The following IL1RAPL1 variants were observed in gnomAD, a reference collection of about 807,000 sequenced individuals.
IL1RAPL1 encodes the protein interleukin 1 receptor accessory protein like 1.
In IL1RAPL1, 3 loss-of-function variants were observed where a neutral mutation model predicts 48.4. That is an observed-to-expected ratio of 0.06 (90% CI 0.03 to 0.16). The LOEUF is 0.16. Among genes scored for constraint, IL1RAPL1 ranks in the 10% least tolerant of loss-of-function variants. IL1RAPL1 has a pLI of 1.00. For missense variants in IL1RAPL1, 349 were observed against 530.6 expected (o/e 0.66, Z 3.36); for synonymous variants, 185 against 187.7 (o/e 0.99, Z 0.12).
At chrX:29,060,041 C>G (rs761433542) in intron 2 of IL1RAPL1, among the ~76,000 whole-genome samples, 3 of 111,383 alleles carry the variant, frequency 2.7e-5, no homozygotes, top group East Asian at 5.7e-4. Context: ...TTTCAACTTC[C>G]CATAGAGAAT....
chrX:29,955,889 ATCC>A lies in IL1RAPL1; in HGVS notation c.*72_*74del. ...TCTGCAGTCCAGTGCCTGGAACTAA[ATCC>A]TCGACTGCTGCTGTTAAAAAACATG... On this transcript the variant is annotated 3_prime_UTR_variant, in exon 11 of 11. Coordinates refer to ENST00000378993, the MANE Select transcript of IL1RAPL1 (RefSeq NM_014271.4). 1.2e-6 allele frequency: 1 copy of A among 801,139 alleles called. No homozygotes were observed. The highest frequency in any genetic ancestry group is 1.9e-6 in the Non-Finnish European group (1 of 524,808). 66.0% of individuals were successfully genotyped at this position (801,139 alleles called of 1,213,427 possible).
At chrX:29,451,409 G>A (rs1370395880) in intron 5 of IL1RAPL1, among the ~76,000 whole-genome samples, 1 of 110,476 alleles carries the variant, frequency 9.1e-6, no homozygotes, top group Non-Finnish European at 1.9e-5. Context: ...TGGACAGGCT[G>A]GTCTCGAACT....
intron 2 of IL1RAPL1, among the ~76,000 whole-genome samples, chrX:28,953,969 C>T (rs1924537751): frequency 9.0e-6 from 1 of 111,222 alleles, no homozygotes; most frequent in South Asian, 3.7e-4. Context: ...TGAATTACGT[C>T]AAGTGTAGTT....
chrX:29,571,390 T>TAGA (rs1055248034), intron 5 of IL1RAPL1, among the ~76,000 whole-genome samples: 1 of 111,367 alleles, frequency 9.0e-6, no homozygotes, highest in African/African-American at 3.3e-5. Context: ...CTAATGCCCT[T>TAGA]TAGCAAAGTC....
intron 2 of IL1RAPL1, among the ~76,000 whole-genome samples, chrX:29,177,458 T>C (rs1044186925): frequency 1.8e-5 from 2 of 112,231 alleles, no homozygotes; most frequent in Non-Finnish European, 3.8e-5. Context: ...TCTGTTCTTT[T>C]CTAGGGCAGA....
chrX:29,381,522 A>AC (rs1933699730), intron 3 of IL1RAPL1, among the ~76,000 whole-genome samples: 1 of 95,760 alleles, frequency 1.0e-5, no homozygotes, highest in Non-Finnish European at 2.1e-5. Flanking sequence ...AAAAAAAAAA[A>AC]AAAAAAACTT....
intron 2 of IL1RAPL1, among the ~76,000 whole-genome samples, chrX:28,940,872 A>C (rs1924147548): frequency 9.0e-6 from 1 of 110,676 alleles, no homozygotes; most frequent in African/African-American, 3.3e-5. Flanking sequence ...TCAATGTACC[A>C]GCTAATTTTC....
rs200345215 is a variant in IL1RAPL1, at chrX:29,396,456, G to T, written c.549+12G>T. The T allele has an allele frequency of 8.3e-7, 1 of 1,200,804 alleles. No individual in the cohort carries two copies. The highest frequency in any genetic ancestry group is 1.8e-5 in the South Asian group (1 of 56,755). On this transcript the variant is annotated intron_variant, in intron 4 of 10. Transcript: ENST00000378993. Reference sequence around the variant, plus strand: ...TCCTTTGGTACAAGGTATGGACTGCGGGTGGTTCTATTTCCTATTAACAAA... The same window carrying T: ...TCCTTTGGTACAAGGTATGGACTGCTGGTGGTTCTATTTCCTATTAACAAA...
intron 1 of IL1RAPL1, among the ~76,000 whole-genome samples, chrX:28,745,314 G>A (rs1185811569): frequency 9.0e-6 from 1 of 111,258 alleles, no homozygotes; most frequent in East Asian, 2.8e-4. Context: ...TCCATGCCGT[G>A]GAAAAGACTG....
chrX:29,524,179 C>CTTTTTTTTTT (rs5901924), intron 5 of IL1RAPL1, among the ~76,000 whole-genome samples: 1 of 77,591 alleles, frequency 1.3e-5, no homozygotes, highest in Non-Finnish European at 2.5e-5. Flanking sequence ...TTTCACTTGG[C>CTTTTTTTTTT]TTTTTTTTTT....
chrX:29,819,108 T>TGA (rs1181518981), intron 6 of IL1RAPL1, among the ~76,000 whole-genome samples: 1 of 111,990 alleles, frequency 8.9e-6, no homozygotes, highest in Non-Finnish European at 1.9e-5. Context: ...TTATGTAAAC[T>TGA]GACCTTTAAA....
At chrX:29,321,869 C>T (rs1442297240) in intron 3 of IL1RAPL1, among the ~76,000 whole-genome samples, 4 of 111,554 alleles carry the variant, frequency 3.6e-5, no homozygotes, top group Non-Finnish European at 7.5e-5. Context: ...AGGCATAAAT[C>T]AAAACATAAG....
chrX:29,614,568 TA>T (rs1002925501), intron 5 of IL1RAPL1, among the ~76,000 whole-genome samples: 1 of 111,664 alleles, frequency 9.0e-6, no homozygotes, highest in African/African-American at 3.3e-5. Context: ...TGTCTTTAGT[TA>T]AAAAAAGTCC....
intron 2 of IL1RAPL1, among the ~76,000 whole-genome samples, chrX:29,248,040 G>T (rs1387662987): frequency 9.0e-6 from 1 of 111,609 alleles, no homozygotes; most frequent in African/African-American, 3.3e-5. Context: ...GAAGAACTAT[G>T]GTGGAGTCTG....
chrX:29,080,998 C>T (rs56000849), intron 2 of IL1RAPL1, among the ~76,000 whole-genome samples: 6,118 of 43,947 alleles, frequency 0.14, 502 homozygotes, highest in East Asian at 0.2. Context: ...CTTTCTTTCT[C>T]TCTCTCTCTC....
At chrX:29,080,999 TCTC>T (rs1927812562) in intron 2 of IL1RAPL1, among the ~76,000 whole-genome samples, 3 of 61,647 alleles carry the variant, frequency 4.9e-5, no homozygotes, top group Admixed American at 4.3e-4. Context: ...TTTCTTTCTC[TCTC>T]TCTCTCTCTC....
intron 9 of IL1RAPL1, among the ~76,000 whole-genome samples, chrX:29,952,516 G>T (rs1933338326): frequency 8.9e-6 from 1 of 111,742 alleles, no homozygotes; most frequent in Admixed American, 9.5e-5. Context: ...CATAGGTAAT[G>T]CATGTGAATA....
intron 2 of IL1RAPL1, among the ~76,000 whole-genome samples, chrX:28,915,947 A>G (rs1601957238): frequency 9.1e-6 from 1 of 109,649 alleles, no homozygotes; most frequent in African/African-American, 3.3e-5. Flanking sequence ...GTATGTGTAT[A>G]TATATATATA....
At chrX:28,986,673 G>A (rs1191525615) in intron 2 of IL1RAPL1, among the ~76,000 whole-genome samples, 6 of 111,986 alleles carry the variant, frequency 5.4e-5, no homozygotes, top group African/African-American at 1.6e-4. Flanking sequence ...TGCTGTTGTC[G>A]AAAATGAGTA....
Sources: allele counts gnomAD v4.1 joint callset (sites outside exome capture counted in the v4.1 genomes callset), GRCh38; gene constraint gnomAD v4.1.1; transcripts MANE v1.5; gene names NCBI Gene and HGNC (gene_info 2026-07-23, HGNC 2026-07-21).